Variants in CDC42EP4 observed in about 807,000 individuals in gnomAD.
The protein encoded by CDC42EP4 is CDC42 effector protein (Rho GTPase binding) 4.
A neutral mutation model predicts 5.6 loss-of-function variants in CDC42EP4; 6 were observed. The ratio of observed to expected loss-of-function variants is 1.07; its 90% CI spans 0.59 to 2.12. The LOEUF is 2.12. CDC42EP4 is among the 30% of genes most tolerant of loss of function. CDC42EP4 has a pLI of 0.00. For synonymous variants in CDC42EP4, 230 were observed against 224.2 expected, an observed-to-expected ratio of 1.03 and a Z score of -0.23; for missense variants, 490 against 508.6, an observed-to-expected ratio of 0.96 and a Z score of 0.35.
At chr17:73,303,195 T>C (rs1423874710) in intron 1 of CDC42EP4, among the ~76,000 whole-genome samples, 1 of 150,502 alleles carries the variant, frequency 6.6e-6, no homozygotes, top group Non-Finnish European at 1.5e-5. Context: ...AATACAAAAT[T>C]AGCTGGGCGT....
chr17:73,308,274 C>G (rs767625522), intron 1 of CDC42EP4, among the ~76,000 whole-genome samples: 16 of 152,160 alleles, frequency 1.1e-4, no homozygotes, highest in African/African-American at 3.9e-4. Flanking sequence ...TCCTCACGGT[C>G]GGGAAAAATC....
intron 1 of CDC42EP4, among the ~76,000 whole-genome samples, chr17:73,307,549 A>G (rs1164358143): frequency 6.8e-6 from 1 of 146,952 alleles, no homozygotes; most frequent in African/African-American, 2.5e-5. Flanking sequence ...CCGGGTTCAC[A>G]CCATTCTCCT....
intron 1 of CDC42EP4, among the ~76,000 whole-genome samples, chr17:73,305,096 G>A (rs2062238193): frequency 6.6e-6 from 1 of 152,220 alleles, no homozygotes. Context: ...GGAAGAAAAA[G>A]GAGCCAAGAC....
At chr17:73,294,747 CA>C (rs1427337501) in intron 1 of CDC42EP4, among the ~76,000 whole-genome samples, 2 of 151,720 alleles carry the variant, frequency 1.3e-5, no homozygotes, top group East Asian at 3.9e-4. Flanking sequence ...ACACACACAC[CA>C]CACACACACA....
chr17:73,309,500 G>A (rs901256532), intron 1 of CDC42EP4, among the ~76,000 whole-genome samples: 3 of 152,212 alleles, frequency 2.0e-5, no homozygotes, highest in South Asian at 2.1e-4. Flanking sequence ...AGGTGCTGTC[G>A]GGTTCCAGAG....
chr17:73,305,213 G>A (rs1449343349), intron 1 of CDC42EP4, among the ~76,000 whole-genome samples: 1 of 152,206 alleles, frequency 6.6e-6, no homozygotes, highest in Non-Finnish European at 1.5e-5. Context: ...CTGGAAATGT[G>A]TGCTTCCCGG....
At chr17:73,309,140 G>C (rs549894794) in intron 1 of CDC42EP4, among the ~76,000 whole-genome samples, 2 of 150,272 alleles carry the variant, frequency 1.3e-5, no homozygotes, top group Admixed American at 6.7e-5. Context: ...TTGAGCTCAG[G>C]AGTTCAAGAC....
intron 1 of CDC42EP4, among the ~76,000 whole-genome samples, chr17:73,298,637 C>T (rs1313371310): frequency 1.3e-5 from 2 of 152,232 alleles, no homozygotes; most frequent in Non-Finnish European, 2.9e-5. Flanking sequence ...CACCACTGAC[C>T]GCCAAGCTGT....
At chr17:73,301,308 A>G (rs1268451587) in intron 1 of CDC42EP4, among the ~76,000 whole-genome samples, 2 of 152,224 alleles carry the variant, frequency 1.3e-5, no homozygotes, top group Non-Finnish European at 2.9e-5. Flanking sequence ...TTGGAGAGCA[A>G]TAATTTAGAC....
At position 73,285,892 on chromosome 17, in the gene CDC42EP4, C is replaced by A; in HGVS notation, c.609G>T (p.Ala203=). 6.2e-7 allele frequency: 1 copy of A among 1,614,024 alleles called. No homozygotes were observed. Among genetic ancestry groups the A allele is most frequent in the Admixed American group, 1.7e-5 (1 of 60,024 alleles). ...VPKATYGLKH[A]ESIMSFHIDL... Reference sequence around the variant, plus strand: ...CGATGTGGAAGGACATGATGGACTCCGCATGCTTCAGCCCGTACGTGGCCT... The same window carrying A: ...CGATGTGGAAGGACATGATGGACTCAGCATGCTTCAGCCCGTACGTGGCCT... The change falls in exon 2 of 2, where the codon GCG becomes GCT. Residue 203 remains alanine (A), a synonymous_variant. Coordinates refer to ENST00000335793, the MANE Select transcript of CDC42EP4 (RefSeq NM_012121.5). This position sits in a 1 kb window ranked among gnomAD's most constrained non-coding sequence, Gnocchi z 6.8.
intron 1 of CDC42EP4, among the ~76,000 whole-genome samples, chr17:73,308,938 T>C (rs1274256839): frequency 6.8e-6 from 1 of 146,058 alleles, no homozygotes; most frequent in East Asian, 2.0e-4. Context: ...CTGCAGAGGC[T>C]GAGGCAGGAG....
At chr17:73,308,554 C>G (rs1400027720) in intron 1 of CDC42EP4, among the ~76,000 whole-genome samples, 1 of 152,176 alleles carries the variant, frequency 6.6e-6, no homozygotes, top group Non-Finnish European at 1.5e-5. Flanking sequence ...CACTTCGAAC[C>G]CAATCCAAAC....
Position 73,285,279 on chromosome 17 carries a change from C to A in CDC42EP4, c.*151G>T. ...CTACGTCCTCCGAAGACCCGAGGGC[C>A]AGGCCAGTGTCCCTCATCTACAAGG... is the stretch of plus-strand genomic sequence containing the variant. On this transcript the variant is annotated 3_prime_UTR_variant, in exon 2 of 2. Transcript: ENST00000335793. The surrounding 1 kb of genome is among the most constrained non-coding windows in gnomAD (Gnocchi z 6.8). The A allele has an allele frequency of 1.6e-6, 1 of 615,654 alleles. No individual in the cohort carries two copies. Among genetic ancestry groups the A allele is most frequent in the Non-Finnish European group, 2.7e-6 (1 of 366,938 alleles). 38.1% of individuals were successfully genotyped at this position (615,654 alleles called of 1,614,324 possible).
chr17:73,304,598 G>A (rs2062235636), intron 1 of CDC42EP4, among the ~76,000 whole-genome samples: 1 of 127,184 alleles, frequency 7.9e-6, no homozygotes, highest in South Asian at 2.7e-4. Context: ...AGAGAGACAA[G>A]AATCCAGATG....
At chr17:73,296,636 T>C (rs2062187213) in intron 1 of CDC42EP4, among the ~76,000 whole-genome samples, 1 of 152,036 alleles carries the variant, frequency 6.6e-6, no homozygotes, top group African/African-American at 2.4e-5. Flanking sequence ...AAGGCGAAGG[T>C]CAGGAGTGCA....
chr17:73,300,770 G>A (rs572590677), intron 1 of CDC42EP4, among the ~76,000 whole-genome samples: 1 of 152,216 alleles, frequency 6.6e-6, no homozygotes, highest in African/African-American at 2.4e-5. Flanking sequence ...AAATAGGCAG[G>A]GCGCGGTGGC....
chr17:73,300,132 G>A (rs2062210608), intron 1 of CDC42EP4, among the ~76,000 whole-genome samples: 1 of 152,102 alleles, frequency 6.6e-6, no homozygotes, highest in Middle Eastern at 3.2e-3. Context: ...CACCCTCACT[G>A]CCCGCGTGCC....
Position 73,285,592 on chromosome 17 carries a change from G to A in CDC42EP4, c.909C>T (p.Thr303=), listed in dbSNP as rs202117519. 2.5e-6 allele frequency: 4 copies of A among 1,610,506 alleles called. No homozygotes were observed. The Admixed American group carries it at 5.0e-5, about 20-fold the overall frequency. Residue 303 remains threonine, a synonymous_variant, in exon 2 of 2, where the codon ACC becomes ACT. Coordinates refer to ENST00000335793, the MANE Select transcript of CDC42EP4 (RefSeq NM_012121.5). The surrounding 1 kb of genome is among the most constrained non-coding windows in gnomAD (Gnocchi z 6.8). ...TGGAGAGGGAGCTGCTGTCCCGTGT[G>A]GTGTGGCTGCCCATGCTGCGGGCTG... is the stretch of plus-strand genomic sequence containing the variant. ...PGSARSMGSH[T]TRDSSSLSSC... is the part of the protein sequence containing the mutation.
In CDC42EP4 at chr17:73,311,965, T is replaced by TGGCGGCCCCTGTCAGCGCC. The variant is rs1227768879; in HGVS notation, c.-204_-186dup. ...CGTGGGCTCCGCGCGGCGGAGGGGC[T>TGGCGGCCCCTGTCAGCGCC]GGCGGCCCCTGTCAGCGCCGGCGTT... is the stretch of plus-strand genomic sequence containing the variant. On this transcript the variant is annotated 5_prime_UTR_variant, in exon 1 of 2. Transcript: ENST00000335793. The TGGCGGCCCCTGTCAGCGCC allele has an allele frequency of 6.6e-6, 1 of 152,198 alleles. No individual in the cohort carries two copies. The allele number at this position is 152,198 out of a possible 1,614,324, so 9.4% of individuals were successfully genotyped here.
Sources: gnomAD v4.1 joint callset for allele counts (sites outside exome capture counted in the v4.1 genomes callset) on GRCh38, gnomAD v4.1.1 for gene constraint, Gnocchi (gnomAD v3.1) non-coding constraint, MANE v1.5 for transcripts, NCBI Gene and HGNC (gene_info 2026-07-23, HGNC 2026-07-21) for gene names.